NOTCH2NLR: variants seen among roughly 807,000 people sequenced by gnomAD.
NOTCH2NLR encodes the protein notch 2 N-terminal like R.
NOTCH2NLR carries 33 observed loss-of-function variants against 35.6 expected under a neutral mutation model. That is an observed-to-expected ratio of 0.93 (90% CI 0.70 to 1.24). The LOEUF (loss-of-function observed/expected upper bound fraction) is 1.24. Among genes scored for constraint, NOTCH2NLR ranks in the 50% most tolerant of loss-of-function variants. The pLI is 0.00. For missense variants in NOTCH2NLR, 276 were observed against 362.2 expected (o/e 0.76, Z 1.93); for synonymous variants, 103 against 141.0 (o/e 0.73, Z 1.91).
intron 2 of NOTCH2NLR, among the ~76,000 whole-genome samples, chr1:120,780,179 A>AGAC (rs1354004024): frequency 3.7e-5 from 4 of 108,958 alleles, no homozygotes; most frequent in Non-Finnish European, 7.1e-5. Context: ...CAAGGGTTCA[A>AGAC]GACAGGCTCT....
rs1354378015 is a variant in NOTCH2NLR at position 120,777,557 on chromosome 1, G to A, written c.156-7417G>A. On this transcript the variant is annotated intron_variant, in intron 2 of 4. Coordinates refer to ENST00000624419, the Ensembl canonical transcript of NOTCH2NLR. ...CTAGAAAGTGTGTTTTACCACAAGC[G>A]TCCCAGTTCTGGACACCAATCTATA... Among the ~76,000 whole-genome samples the A allele has an allele frequency of 7.6e-5, 8 of 104,850 alleles. 2 individuals carry two copies. The highest frequency in any genetic ancestry group is 2.8e-4 in the Admixed American group (3 of 10,878). The allele number at this position is 104,850 out of a possible 152,430, so 68.8% of individuals were successfully genotyped here.
chr1:120,779,733 A>G (rs1200516240), intron 2 of NOTCH2NLR, among the ~76,000 whole-genome samples: 3 of 122,136 alleles, frequency 2.5e-5, no homozygotes, highest in African/African-American at 3.9e-5. Flanking sequence ...CTCTCTAACC[A>G]AATTCAACTT....
intron 1 of NOTCH2NLR, among the ~76,000 whole-genome samples, chr1:120,728,734 G>A (rs1650842818): frequency 8.6e-6 from 1 of 116,240 alleles, no homozygotes; most frequent in South Asian, 2.5e-4. Flanking sequence ...TAATTTTTTT[G>A]AGATTTTTTT....
At chr1:120,763,571 T>TGTCTGAG (rs1651156293) in intron 1 of NOTCH2NLR, 57 bp from the exon 2 acceptor site, 1 of 729,774 alleles carries the variant, frequency 1.4e-6, no homozygotes, top group Non-Finnish European at 2.2e-6. Flanking sequence ...ACTTCTTTGG[T>TGTCTGAG]GTCTGAGGGT....
intron 1 of NOTCH2NLR, among the ~76,000 whole-genome samples, chr1:120,735,301 T>G (rs1211607016): frequency 0.58 from 26,926 of 46,106 alleles, 10,686 homozygotes; most frequent in East Asian, 0.64. Context: ...CTGACCTCAG[T>G]TGATCTGCCC....
chr1:120,788,709 C>G (rs1651450981), intron 3 of NOTCH2NLR, among the ~76,000 whole-genome samples: 1 of 96,320 alleles, frequency 1.0e-5, no homozygotes, highest in Admixed American at 1.1e-4. Flanking sequence ...CCAGTGAATT[C>G]CATGAGCCTG....
At chr1:120,752,554 ATTT>A (rs1188849971) in intron 1 of NOTCH2NLR, among the ~76,000 whole-genome samples, 5 of 3,746 alleles carry the variant, frequency 1.3e-3, no homozygotes, top group African/African-American at 1.7e-3. Flanking sequence ...ATATATATAT[ATTT>A]TTTTTTTTTT....
chr1:120,727,325 G>T (rs1650826691), intron 1 of NOTCH2NLR, among the ~76,000 whole-genome samples: 2 of 107,902 alleles, frequency 1.9e-5, no homozygotes, highest in East Asian at 4.5e-4. Context: ...TGTGTATGAG[G>T]TCTTTCTAAA....
In NOTCH2NLR at chr1:120,784,283, T is replaced by G; in HGVS notation, c.156-691T>G. 1.7e-5 allele frequency among the ~76,000 whole-genome samples: 2 copies of G among 117,370 alleles called. 1 individual carries two copies. The highest frequency in any genetic ancestry group is 3.3e-5 in the Non-Finnish European group (2 of 61,026). The allele number at this position is 117,370 out of a possible 152,430, so 77.0% of individuals were successfully genotyped here. On this transcript the variant is annotated intron_variant, in intron 2 of 4. Transcript: ENST00000624419. ...GTTCTGTACACCGGCTTTAGGAGAG[T>G]AAGTCTGTTGTACCTCATATGTAAG...
chr1:120,793,038 T>A (rs1302455452), intron 3 of NOTCH2NLR, 123 bp from the exon 4 acceptor site: 1 of 564,462 alleles, frequency 1.8e-6, no homozygotes, highest in Non-Finnish European at 3.0e-6. Flanking sequence ...ATTTAGCCTT[T>A]TGTAAAATGC....
At chr1:120,794,365 A>G (rs1482994437), downstream of NOTCH2NLR, among the ~76,000 whole-genome samples, 6 of 111,918 alleles carry the variant, frequency 5.4e-5, 2 homozygotes, top group Admixed American at 3.5e-4. Flanking sequence ...GGAACAGAAT[A>G]CAAGCAGCTG....
rs1356252531 is a variant in NOTCH2NLR at position 120,756,744 on chromosome 1, A to G, written c.74-6884A>G. 5.3e-5 allele frequency among the ~76,000 whole-genome samples: 6 copies of G among 114,242 alleles called. 1 individual carries two copies. Among genetic ancestry groups the G allele is most frequent in the African/African-American group, 5.4e-5 (1 of 18,370 alleles). 74.9% of individuals were successfully genotyped at this position (114,242 alleles called of 152,430 possible). A position where few individuals can be genotyped will look rare whatever the true frequency, so the allele number is the denominator to read the frequency against. On this transcript the variant is annotated intron_variant, in intron 1 of 4. Transcript: ENST00000624419. ...GTATGATACTGAAAAGCATTGGAAAACTTAGGTAAATGCCTAGAGGAAATT... is the reference window on the plus strand; with the variant it reads ...GTATGATACTGAAAAGCATTGGAAAGCTTAGGTAAATGCCTAGAGGAAATT...
intron 1 of NOTCH2NLR, among the ~76,000 whole-genome samples, chr1:120,729,867 CA>C: frequency 9.4e-6 from 1 of 106,160 alleles, no homozygotes; most frequent in African/African-American, 5.8e-5. Context: ...TCTGGGAAAT[CA>C]AAGTGTTTGT....
At chr1:120,768,585 G>A (rs1179014729) in intron 2 of NOTCH2NLR, among the ~76,000 whole-genome samples, 1 of 108,914 alleles carries the variant, frequency 9.2e-6, no homozygotes, top group Non-Finnish European at 1.7e-5. Context: ...TCTGCTGCAT[G>A]AACTGGGGTG....
At chr1:120,784,905 G>A in intron 2 of NOTCH2NLR, 69 bp from the exon 3 acceptor site, 1 of 1,003,118 alleles carries the variant, frequency 1.0e-6, no homozygotes, top group Non-Finnish European at 1.4e-6. Flanking sequence ...GGACTGTATT[G>A]TTTTACTGTA....
Position 120,785,183 on chromosome 1 carries a change from A to T in NOTCH2NLR, c.365A>T (p.His122Leu), listed in dbSNP as rs1330406625. 1.2e-5 allele frequency: 17 copies of T among 1,445,772 alleles called. 5 individuals are homozygous for T. The Admixed American group carries it at 3.3e-4, about 28-fold the overall frequency. The allele number at this position is 1,445,772 out of a possible 1,614,324, so 89.6% of individuals were successfully genotyped here. The change falls in exon 3 of 5, where the codon CAT (histidine) becomes CTT (leucine). Residue 122 changes from histidine to leucine, a missense_variant. Physicochemically the swap from His to Leu is moderately conservative, Grantham distance 99. Coordinates refer to ENST00000624419, the Ensembl canonical transcript of NOTCH2NLR. ...CCTTGCCTGAATGGCGGCACATGCCATATGCTCAGCCGGGATACCTATGAG... is the reference window on the plus strand; with the variant it reads ...CCTTGCCTGAATGGCGGCACATGCCTTATGCTCAGCCGGGATACCTATGAG...
At chr1:120,764,994 A>AT (rs1197614681) in intron 2 of NOTCH2NLR, among the ~76,000 whole-genome samples, 10 of 80,470 alleles carry the variant, frequency 1.2e-4, no homozygotes, top group East Asian at 7.5e-4. Flanking sequence ...TATAAACAAG[A>AT]TTTTTTTTTT....
At position 120,758,980 on chromosome 1, in the gene NOTCH2NLR, C is replaced by T. The variant is rs1279394749; in HGVS notation, c.74-4648C>T. ...GGGTTTTGTTTCCAATGGAACTTAT[C>T]GCTTATTACTGTCCTAAATTATTTT... On this transcript the variant is annotated intron_variant, in intron 1 of 4. Transcript: ENST00000624419. Among the ~76,000 whole-genome samples the T allele has an allele frequency of 5.5e-5, 6 of 109,978 alleles. 1 individual carries two copies. Among genetic ancestry groups the T allele is most frequent in the Admixed American group, 8.9e-5 (1 of 11,292 alleles). The allele number at this position is 109,978 out of a possible 152,430, so 72.1% of individuals were successfully genotyped here.
Position 120,761,151 on chromosome 1 carries a change from C to T in NOTCH2NLR, c.74-2477C>T, listed in dbSNP as rs1651133029. ...GTAAAGTTATTTGCTAGATTGATTG[C>T]TACATATTGACTTTGGGTTGCTTGT... On this transcript the variant is annotated intron_variant, in intron 1 of 4. Coordinates refer to ENST00000624419, the Ensembl canonical transcript of NOTCH2NLR. Among the ~76,000 whole-genome samples, 3 of 125,578 alleles carry T rather than the reference C, an allele frequency of 2.4e-5. 1 individual carries two copies. The highest frequency in any genetic ancestry group is 4.9e-5 in the Non-Finnish European group (3 of 61,146). The allele number at this position is 125,578 out of a possible 152,430, so 82.4% of individuals were successfully genotyped here.
Sources: allele counts gnomAD v4.1 joint callset (sites outside exome capture counted in the v4.1 genomes callset), GRCh38; gene constraint gnomAD v4.1.1; transcripts MANE v1.5; gene names NCBI Gene and HGNC (gene_info 2026-07-23, HGNC 2026-07-21).